Variants in OSBPL3 observed in about 807,000 individuals in gnomAD.
OSBPL3 encodes the protein oxysterol binding protein like 3, also known as oxysterol-binding protein-related protein 3.
OSBPL3 carries 65 observed loss-of-function variants against 120.1 expected under a neutral mutation model. The ratio of observed to expected loss-of-function variants is 0.54; its 90% CI spans 0.44 to 0.67. The LOEUF is 0.67. Among genes scored for constraint, OSBPL3 ranks in the 30% least tolerant of loss-of-function variants. OSBPL3 has a pLI of 0.00. For missense variants in OSBPL3, 1,004 were observed against 1,082.1 expected (o/e 0.93, Z 1.01); for synonymous variants, 416 against 402.6 (o/e 1.03, Z -0.40).
chr7:24,866,255 G>GA lies in OSBPL3; in HGVS notation c.382-19dup. On this transcript the variant is annotated intron_variant, in intron 5 of 22. Coordinates refer to ENST00000313367, the MANE Select transcript of OSBPL3 (RefSeq NM_015550.4). ...GACTTGACCTATAATATATTCGATT[G>GA]AAAAAAGGAAACAAGAGAATCATTC... is the stretch of plus-strand genomic sequence containing the variant. 1 of 1,562,024 alleles carries GA rather than the reference G, an allele frequency of 6.4e-7. No individual in the cohort carries two copies. The highest frequency in any genetic ancestry group is 8.8e-7 in the Non-Finnish European group (1 of 1,137,080).
chr7:24,869,638 C>A (rs767392343), intron 5 of OSBPL3, among the ~76,000 whole-genome samples: 25 of 152,188 alleles, frequency 1.6e-4, no homozygotes, highest in Non-Finnish European at 3.7e-4. Flanking sequence ...CGGCCTCCCA[C>A]ACCAAAACAT....
chr7:24,874,304 T>G (rs1802563042), intron 2 of OSBPL3, among the ~76,000 whole-genome samples: 1 of 152,186 alleles, frequency 6.6e-6, no homozygotes, highest in African/African-American at 2.4e-5. Context: ...GAAAGTACTC[T>G]AAGTGGATCA....
chr7:24,895,653 G>A (rs779216621), intron 1 of OSBPL3, among the ~76,000 whole-genome samples: 2 of 152,124 alleles, frequency 1.3e-5, no homozygotes, highest in Non-Finnish European at 2.9e-5. Flanking sequence ...CACAGGGATG[G>A]GCTGGGGTCA....
Position 24,921,437 on chromosome 7 carries a change from C to T in OSBPL3, c.-149-28816G>A, listed in dbSNP as rs113536950. On this transcript the variant is annotated intron_variant, in intron 1 of 22. Transcript: ENST00000313367. ...GTTCCAAAAGGTAATTGTAAATCAC[C>T]TCTTTGACACTACTCAAAACACATT... 6.4e-3 allele frequency among the ~76,000 whole-genome samples: 981 copies of T among 152,298 alleles called. 15 individuals carry two copies. The highest frequency in any genetic ancestry group is 0.023 in the African/African-American group (941 of 41,540).
intron 1 of OSBPL3, among the ~76,000 whole-genome samples, chr7:24,917,281 C>T (rs1809701158): frequency 6.6e-6 from 1 of 151,464 alleles, no homozygotes; most frequent in Non-Finnish European, 1.5e-5. Context: ...TTTTCAAGTT[C>T]ACTATATCAA....
chr7:24,838,655 G>C (rs2128192102), intron 14 of OSBPL3, among the ~76,000 whole-genome samples: 1 of 152,268 alleles, frequency 6.6e-6, no homozygotes, highest in African/African-American at 2.4e-5. Context: ...TTTGACCTCT[G>C]AACATTCCAT....
chr7:24,935,735 G>T (rs1331683664), intron 1 of OSBPL3, among the ~76,000 whole-genome samples: 1 of 151,958 alleles, frequency 6.6e-6, no homozygotes, highest in Non-Finnish European at 1.5e-5. Flanking sequence ...TGGGGGTGGG[G>T]TGGGGGAACA....
rs557646044 is a variant in OSBPL3 at position 24,959,609 on chromosome 7, A to G, written c.-150+20277T>C. ...TTCTTGTTCTGGACGCTGGTTACAC[A>G]GGTTATTTATCTTCTGAAAACTCAT... On this transcript the variant is annotated intron_variant, in intron 1 of 22. Transcript: ENST00000313367. This position sits in a 1 kb window ranked among gnomAD's most constrained non-coding sequence, Gnocchi z 4.3. Among the ~76,000 whole-genome samples, 1 of 152,316 alleles carries G rather than the reference A, an allele frequency of 6.6e-6. No homozygotes were observed. Among genetic ancestry groups the G allele is most frequent in the Admixed American group, 6.5e-5 (1 of 15,300 alleles).
At chr7:24,903,951 C>T (rs1423494076) in intron 1 of OSBPL3, among the ~76,000 whole-genome samples, 1 of 149,100 alleles carries the variant, frequency 6.7e-6, no homozygotes, top group Non-Finnish European at 1.5e-5. Flanking sequence ...GGTGAGATCT[C>T]GGCTCACTGC....
rs775922963 is a variant in OSBPL3 at position 24,922,755 on chromosome 7, C to T, written c.-149-30134G>A. ...GTTCTTTGCACGTAATCCCCTAGTCCTGCTTCAGGCTTCAGGTCAAGGATC... is the reference window on the plus strand; with the variant it reads ...GTTCTTTGCACGTAATCCCCTAGTCTTGCTTCAGGCTTCAGGTCAAGGATC... On this transcript the variant is annotated intron_variant, in intron 1 of 22. Transcript: ENST00000313367. This position sits in a 1 kb window ranked among gnomAD's most constrained non-coding sequence, Gnocchi z 4.3. Among the ~76,000 whole-genome samples the T allele has an allele frequency of 8.3e-4, 126 of 152,098 alleles. 2 individuals are homozygous for T. The highest frequency in any genetic ancestry group is 2.4e-4 in the Non-Finnish European group (16 of 68,020).
In OSBPL3 at chr7:24,950,480, TG is replaced by T. The variant is rs755353152; in HGVS notation, c.-150+29405del. Among the ~76,000 whole-genome samples the T allele has an allele frequency of 1.7e-4, 26 of 152,344 alleles. 4 individuals are homozygous for T. Among genetic ancestry groups the T allele is most frequent in the South Asian group, 1.5e-3 (7 of 4,826 alleles). On this transcript the variant is annotated intron_variant, in intron 1 of 22. Transcript: ENST00000313367. ...GCTCACGCCTGTAATCCCAGCACTT[TG>T]GGAGGCCGAGGCGGGCGGATCACGA...
rs755346322 is a variant in OSBPL3 at position 24,849,024 on chromosome 7, C to T, written c.1266+45G>A. On this transcript the variant is annotated intron_variant, in intron 12 of 22. Coordinates refer to ENST00000313367, the MANE Select transcript of OSBPL3 (RefSeq NM_015550.4). The surrounding 1 kb of genome is among the most constrained non-coding windows in gnomAD (Gnocchi z 5.4). Reference sequence around the variant, plus strand: ...AATGGGACAGATGGTATCACGGGAGCGGGCGGCAGCTGGGGAGACATTACC... The same window carrying T: ...AATGGGACAGATGGTATCACGGGAGTGGGCGGCAGCTGGGGAGACATTACC... 25 of 1,336,636 alleles carry T rather than the reference C, an allele frequency of 1.9e-5. No homozygotes were observed. Among genetic ancestry groups the T allele is most frequent in the South Asian group, 8.4e-5 (7 of 83,458 alleles). 82.8% of individuals were successfully genotyped at this position (1,336,636 alleles called of 1,614,324 possible). A position where few individuals can be genotyped will look rare whatever the true frequency, so the allele number is the denominator to read the frequency against.
At chr7:24,811,827 T>C (rs1365113343) in intron 19 of OSBPL3, among the ~76,000 whole-genome samples, 2 of 152,256 alleles carry the variant, frequency 1.3e-5, no homozygotes, top group African/African-American at 2.4e-5. Flanking sequence ...GATTTACTTC[T>C]GAGCTCTCTA....
chr7:24,966,908 C>T lies in OSBPL3; in HGVS notation c.-150+12978G>A, dbSNP rs916998941. Among the ~76,000 whole-genome samples the T allele has an allele frequency of 2.6e-5, 4 of 151,940 alleles. No homozygotes were observed. The highest frequency in any genetic ancestry group is 2.1e-4 in the South Asian group (1 of 4,814). The stretch of plus-strand genomic sequence containing the variant: ...AACAAATAATCATTTTTTTATTTAC[C>T]GCCACTTTGCTTATTCCCCATTCAC... On this transcript the variant is annotated intron_variant, in intron 1 of 22. Coordinates refer to ENST00000313367, the MANE Select transcript of OSBPL3 (RefSeq NM_015550.4). The surrounding 1 kb of genome is among the most constrained non-coding windows in gnomAD (Gnocchi z 4.8).
intron 5 of OSBPL3, among the ~76,000 whole-genome samples, chr7:24,869,258 T>C (rs1801781354): frequency 6.6e-6 from 1 of 152,220 alleles, no homozygotes; most frequent in African/African-American, 2.4e-5. Context: ...GAATTCATAA[T>C]TACTTTTATT....
rs149057283 is a variant in OSBPL3, at chr7:24,912,019, T to A, written c.-149-19398A>T. On this transcript the variant is annotated intron_variant, in intron 1 of 22. Transcript: ENST00000313367. This position sits in a 1 kb window ranked among gnomAD's most constrained non-coding sequence, Gnocchi z 4.5. ...GTAGAGTGTATAGATCAAAAGCAAT[T>A]TGAAGACTGTCTCATCCTTGTTTTT... Among the ~76,000 whole-genome samples the A allele has an allele frequency of 2.9e-3, 449 of 152,296 alleles. 2 individuals carry two copies. Among genetic ancestry groups the A allele is most frequent in the Middle Eastern group, 0.014 (4 of 294 alleles).
chr7:24,980,229 G>A, upstream of OSBPL3: 1 of 190,236 alleles, frequency 5.3e-6, no homozygotes, highest in African/African-American at 2.4e-5. Flanking sequence ...GGGCGGGAGC[G>A]CAGGGGAGGG....
rs1205476866 is a variant in OSBPL3 at position 24,802,542 on chromosome 7, C to T, written c.2567+1773G>A. Among the ~76,000 whole-genome samples the T allele has an allele frequency of 6.6e-6, 1 of 152,222 alleles. No individual in the cohort carries two copies. The highest frequency in any genetic ancestry group is 1.9e-4 in the East Asian group (1 of 5,202). The stretch of plus-strand genomic sequence containing the variant: ...CCTGATTGCAATGACAGCATAATCA[C>T]ATTCTGTATCTTGCATTTACATGGT... On this transcript the variant is annotated intron_variant, in intron 22 of 22. Coordinates refer to ENST00000313367, the MANE Select transcript of OSBPL3 (RefSeq NM_015550.4). This position sits in a 1 kb window ranked among gnomAD's most constrained non-coding sequence, Gnocchi z 4.1.
intron 1 of OSBPL3, among the ~76,000 whole-genome samples, chr7:24,926,971 G>A (rs122): frequency 0.65 from 98,188 of 152,138 alleles, 32,761 homozygotes; most frequent in East Asian, 0.91. Flanking sequence ...TGAGTTGAAT[G>A]GAAGAAAATT....
Sources: allele counts gnomAD v4.1 joint callset (sites outside exome capture counted in the v4.1 genomes callset), GRCh38; gene constraint gnomAD v4.1.1; non-coding constraint Gnocchi (gnomAD v3.1); transcripts MANE v1.5; gene names NCBI Gene and HGNC (gene_info 2026-07-23, HGNC 2026-07-21).